FA2H: variants seen among roughly 807,000 people sequenced by gnomAD.
FA2H encodes the protein fatty acid 2-hydroxylase.
FA2H carries 22 observed loss-of-function variants against 44.9 expected under a neutral mutation model. The observed-to-expected ratio is 0.49, with a 90% CI of 0.35 to 0.70. The LOEUF (loss-of-function observed/expected upper bound fraction) is 0.70. Ranked by LOEUF, FA2H falls within the 30% of genes least tolerant of loss-of-function variation. The pLI is 0.01. For missense variants in FA2H, 501 were observed against 504.9 expected, an observed-to-expected ratio of 0.99 and a Z score of 0.07; for synonymous variants, 243 against 213.2, an observed-to-expected ratio of 1.14 and a Z score of -1.22.
At chr16:74,771,667 T>C (rs954755699) in intron 1 of FA2H, among the ~76,000 whole-genome samples, 1 of 152,050 alleles carries the variant, frequency 6.6e-6, no homozygotes, top group Admixed American at 6.6e-5. Flanking sequence ...TATCTTCTTC[T>C]AAACCCTTCA....
At chr16:74,773,036 C>T (rs190410572) in intron 1 of FA2H, among the ~76,000 whole-genome samples, 18 of 152,182 alleles carry the variant, frequency 1.2e-4, no homozygotes, top group Admixed American at 6.5e-4. Context: ...CCACCACACC[C>T]GGCTAATTTT....
chr16:74,732,438 CTT>C (rs1962090983), intron 2 of FA2H, among the ~76,000 whole-genome samples: 1 of 151,238 alleles, frequency 6.6e-6, no homozygotes, highest in East Asian at 2.0e-4. Flanking sequence ...TTTTCTTTTT[CTT>C]TTTCTTTTTT....
chr16:74,741,933 T>C (rs1294572632), intron 1 of FA2H, among the ~76,000 whole-genome samples: 1 of 150,388 alleles, frequency 6.6e-6, no homozygotes, highest in Admixed American at 6.7e-5. Flanking sequence ...TAGCACATCA[T>C]ACATGGAAAT....
At chr16:74,714,450 T>C (rs1319266274) in intron 6 of FA2H, among the ~76,000 whole-genome samples, 181 bp from the exon 7 acceptor site, 2 of 152,190 alleles carry the variant, frequency 1.3e-5, no homozygotes, top group Non-Finnish European at 2.9e-5. Context: ...GTGTCTTTTA[T>C]TGTCCCCAGC....
At position 74,764,133 on chromosome 16, in the gene FA2H, G is replaced by A. The variant is rs187158711; in HGVS notation, c.270+10353C>T. Among the ~76,000 whole-genome samples, 281 of 152,260 alleles carry A rather than the reference G, an allele frequency of 1.8e-3. 1 individual carries two copies. The highest frequency in any genetic ancestry group is 3.3e-3 in the Non-Finnish European group (223 of 68,018). Reference sequence around the variant, plus strand: ...TTGTGGCTGAGCTCTTTTTCCATCAGAGAGAAAGAGCAGGTGGGGAAAGTG... The same window carrying A: ...TTGTGGCTGAGCTCTTTTTCCATCAAAGAGAAAGAGCAGGTGGGGAAAGTG... On this transcript the variant is annotated intron_variant, in intron 1 of 6. Transcript: ENST00000219368.
intron 1 of FA2H, among the ~76,000 whole-genome samples, chr16:74,741,993 C>G (rs1962322424): frequency 6.6e-6 from 1 of 151,698 alleles, no homozygotes. Flanking sequence ...GACAGCAGCT[C>G]AATAATCCTG....
chr16:74,738,935 C>A (rs1004168062), intron 2 of FA2H, among the ~76,000 whole-genome samples: 6 of 152,256 alleles, frequency 3.9e-5, no homozygotes, highest in Non-Finnish European at 7.3e-5. Flanking sequence ...CTTCCTTCGG[C>A]CTCTCTGGTT....
At chr16:74,722,443 G>T (rs1403948300) in intron 4 of FA2H, among the ~76,000 whole-genome samples, 1 of 152,216 alleles carries the variant, frequency 6.6e-6, no homozygotes, top group African/African-American at 2.4e-5. Flanking sequence ...GGCTGAGGCA[G>T]GGGGATCACT....
At chr16:74,721,469 A>G (rs1292389434) in intron 4 of FA2H, among the ~76,000 whole-genome samples, 1 of 152,094 alleles carries the variant, frequency 6.6e-6, no homozygotes, top group Non-Finnish European at 1.5e-5. Flanking sequence ...TGCTTGGCCT[A>G]GCCGTTCTCT....
rs553337241 is a variant in FA2H at position 74,726,851 on chromosome 16, C to G, written c.506+393G>C. On this transcript the variant is annotated intron_variant, in intron 3 of 6. Coordinates refer to ENST00000219368, the MANE Select transcript of FA2H (RefSeq NM_024306.5). ...CTGTGAGTCCATCTGCCTCCTGTCTCTGAGATGAGTTACTGGCAGAAAAGA... is the reference window on the plus strand; with the variant it reads ...CTGTGAGTCCATCTGCCTCCTGTCTGTGAGATGAGTTACTGGCAGAAAAGA... Among the ~76,000 whole-genome samples, 19 of 152,318 alleles carry G rather than the reference C, an allele frequency of 1.2e-4. No individual in the cohort carries two copies. In the South Asian group the frequency reaches 3.7e-3, roughly 30 times the overall value.
At chr16:74,755,615 A>C (rs1859926671) in intron 1 of FA2H, among the ~76,000 whole-genome samples, 1 of 152,198 alleles carries the variant, frequency 6.6e-6, no homozygotes, top group Admixed American at 6.5e-5. Context: ...GTAACTACTT[A>C]GTATTTTGTC....
chr16:74,755,248 C>T (rs983503855), intron 1 of FA2H, among the ~76,000 whole-genome samples: 3 of 151,774 alleles, frequency 2.0e-5, no homozygotes, highest in East Asian at 1.9e-4. Flanking sequence ...GATGCCATCT[C>T]GGCTCACTGC....
intron 6 of FA2H, among the ~76,000 whole-genome samples, chr16:74,715,509 T>C (rs571895212): frequency 5.3e-4 from 81 of 152,270 alleles, no homozygotes; most frequent in Non-Finnish European, 9.4e-4. Flanking sequence ...CCCAGACTGG[T>C]CTGGAACTCC....
At chr16:74,735,654 T>C (rs541117113) in intron 2 of FA2H, among the ~76,000 whole-genome samples, 1 of 152,274 alleles carries the variant, frequency 6.6e-6, no homozygotes, top group African/African-American at 2.4e-5. Context: ...GCAGCACACT[T>C]TCTGATATCC....
At chr16:74,737,152 G>A (rs927016731) in intron 2 of FA2H, among the ~76,000 whole-genome samples, 32 of 152,224 alleles carry the variant, frequency 2.1e-4, no homozygotes, top group African/African-American at 5.8e-4. Flanking sequence ...CTGGTCCCCC[G>A]GGTGGAAAGG....
chr16:74,724,356 A>T (rs1283153669), intron 4 of FA2H, among the ~76,000 whole-genome samples: 3 of 152,134 alleles, frequency 2.0e-5, no homozygotes, highest in Non-Finnish European at 4.4e-5. Flanking sequence ...GTGCTCTCAG[A>T]AGCTGCTCTG....
intron 1 of FA2H, among the ~76,000 whole-genome samples, chr16:74,751,428 C>T (rs558608961): frequency 1.3e-5 from 2 of 152,142 alleles, no homozygotes; most frequent in South Asian, 4.2e-4. Context: ...GCAAAGTCTA[C>T]GCAGTGAGTC....
chr16:74,742,328 G>A (rs1182339186), intron 1 of FA2H, among the ~76,000 whole-genome samples: 1 of 152,168 alleles, frequency 6.6e-6, no homozygotes, highest in African/African-American at 2.4e-5. Flanking sequence ...GGGGAAATAC[G>A]GCTGTCTGCC....
chr16:74,752,071 C>T (rs1487559439), intron 1 of FA2H, among the ~76,000 whole-genome samples: 2 of 152,210 alleles, frequency 1.3e-5, no homozygotes, highest in African/African-American at 2.4e-5. Flanking sequence ...TCGCTGCTGA[C>T]ATCCAATGCA....
Sources: allele counts gnomAD v4.1 joint callset (sites outside exome capture counted in the v4.1 genomes callset), GRCh38; gene constraint gnomAD v4.1.1; transcripts MANE v1.5; gene names NCBI Gene and HGNC (gene_info 2026-07-23, HGNC 2026-07-21).